METTL22: variants seen among roughly 807,000 people sequenced by gnomAD.
METTL22 encodes methyltransferase-like protein 22.
METTL22 carries 51 observed loss-of-function variants against 48.4 expected under a neutral mutation model. The ratio of observed to expected loss-of-function variants is 1.05; its 90% confidence interval spans 0.84 to 1.33. The LOEUF (loss-of-function observed/expected upper bound fraction) is 1.33. METTL22 is among the 40% of genes most tolerant of loss of function. The pLI is 0.00. For synonymous variants in METTL22, 255 were observed against 214.1 expected, an observed-to-expected ratio of 1.19 and a Z score of -1.67; for missense variants, 678 against 526.9, an observed-to-expected ratio of 1.29 and a Z score of -2.81.
rs559371322 is a variant in METTL22, at chr16:8,642,501, A to G, written c.946A>G (p.Thr316Ala). ...CGACTTGACTGATGCTGTGTTTAAA[A>G]CGCTCTCCCGACTCGCCCACAGATT... ...DDDLTDAVFK[T>A]LSRLAHRLKN... Residue 316 changes from threonine to alanine, a missense_variant, in exon 9 of 11, where the codon ACG (threonine) becomes GCG (alanine). Coordinates refer to ENST00000381920, the MANE Select transcript of METTL22 (RefSeq NM_024109.4). 2.5e-6 allele frequency: 4 copies of G among 1,614,066 alleles called. No individual in the cohort carries two copies. The African/African-American group carries it at 5.3e-5, about 22-fold the overall frequency.
the METTL22 span, among the ~76,000 whole-genome samples, chr16:8,659,734 T>TC: frequency 6.6e-6 from 1 of 151,822 alleles, no homozygotes; most frequent in African/African-American, 2.4e-5. Context: ...CTTCGCTTTT[T>TC]TTTTTTCCAG....
intron 2 of METTL22, among the ~76,000 whole-genome samples, chr16:8,626,079 C>T (rs2056040417): frequency 6.6e-6 from 1 of 152,156 alleles, no homozygotes; most frequent in South Asian, 2.1e-4. Context: ...TCACTGCAGC[C>T]TCAAACTCCT....
intron 7 of METTL22, chr16:8,641,828 G>T: frequency 1.9e-6 from 1 of 518,478 alleles, no homozygotes; most frequent in Middle Eastern, 5.2e-4. Context: ...GCAGGCAGAA[G>T]GGGGAGATCA....
Position 8,625,196 on chromosome 16 carries a change from A to G in METTL22, c.-170-300A>G, listed in dbSNP as rs371592096. Among the ~76,000 whole-genome samples, 223 of 152,286 alleles carry G rather than the reference A, an allele frequency of 1.5e-3. 9 individuals carry two copies. In the South Asian group the frequency reaches 0.04, roughly 27 times the overall value. On this transcript the variant is annotated intron_variant, in intron 1 of 10. Coordinates refer to ENST00000381920, the MANE Select transcript of METTL22 (RefSeq NM_024109.4). ...GGGGCAAAATGTCATGATGTCTACAATGTACTCTCAGCTCAAGGAGAAGAA... is the reference window on the plus strand; with the variant it reads ...GGGGCAAAATGTCATGATGTCTACAGTGTACTCTCAGCTCAAGGAGAAGAA...
rs1435213395 is a variant in METTL22, at chr16:8,628,726, T to G, written c.134-4T>G. 1.3e-6 allele frequency: 2 copies of G among 1,596,296 alleles called. No homozygotes were observed. Among genetic ancestry groups the G allele is most frequent in the Non-Finnish European group, 1.7e-6 (2 of 1,170,302 alleles). On this transcript the variant is annotated splice_region_variant and splice_polypyrimidine_tract_variant and intron_variant, in intron 2 of 10. Coordinates refer to ENST00000381920, the MANE Select transcript of METTL22 (RefSeq NM_024109.4). ...CTCATTTTGCGTTCTGTCTTGCCTT[T>G]CAGTTTTCCTGTCCCAATTCAAGCT...
chr16:8,661,283 G>A, the METTL22 span, among the ~76,000 whole-genome samples: 5 of 152,010 alleles, frequency 3.3e-5, no homozygotes, highest in Admixed American at 3.3e-4. Flanking sequence ...ACAGCAGCAC[G>A]TGAGTTCTGA....
downstream of METTL22, among the ~76,000 whole-genome samples, chr16:8,651,323 C>G (rs780219391): frequency 2.0e-3 from 251 of 127,374 alleles, no homozygotes; most frequent in Admixed American, 6.6e-3. Context: ...GGAGGCGGAG[C>G]TTGCAGTGAG....
chr16:8,637,680 A>G (rs921699966), intron 5 of METTL22, among the ~76,000 whole-genome samples: 27 of 152,326 alleles, frequency 1.8e-4, no homozygotes, highest in African/African-American at 6.3e-4. Flanking sequence ...GTGGAATTTC[A>G]GATTGTGTTG....
At chr16:8,634,259 G>T (rs1731048) in intron 3 of METTL22, among the ~76,000 whole-genome samples, 150,416 of 152,322 alleles carry the variant, frequency 0.99, 74,302 homozygotes, top group Middle Eastern at 1. Flanking sequence ...TTTCTTTCCT[G>T]GTTCGGGGAC....
chr16:8,623,967 G>A (rs1314017156), intron 1 of METTL22: 1 of 152,230 alleles, frequency 6.6e-6, no homozygotes, highest in Non-Finnish European at 1.5e-5. Context: ...CCAACCCCAG[G>A]ACAAGGAGGT....
At chr16:8,666,847 T>C in the METTL22 span, 30,045 of 150,756 alleles carry the variant, frequency 0.2, 3,653 homozygotes, top group African/African-American at 0.31. Flanking sequence ...AGTGCAATGG[T>C]ACCATCTCGG....
At position 8,646,134 on chromosome 16, in the gene METTL22, A is replaced by G; in HGVS notation, c.1206A>G (p.Pro402=). 2.0e-6 allele frequency: 3 copies of G among 1,500,784 alleles called. No homozygotes were observed. The highest frequency in any genetic ancestry group is 2.7e-6 in the Non-Finnish European group (3 of 1,131,028). 93.0% of individuals were successfully genotyped at this position (1,500,784 alleles called of 1,614,324 possible). A position where few individuals can be genotyped will look rare whatever the true frequency, so the allele number is the denominator to read the frequency against. Residue 402 remains proline (P), a synonymous_variant, in exon 11 of 11, where the codon CCA becomes CCG. Transcript: ENST00000381920. ...QLELWKIIAE[P]VT is the part of the protein sequence containing the mutation. Reference sequence around the variant, plus strand: ...AGCTCTGGAAGATCATCGCAGAACCAGTAACATGACCCATCGCCTCCACAA... The same window carrying G: ...AGCTCTGGAAGATCATCGCAGAACCGGTAACATGACCCATCGCCTCCACAA...
At chr16:8,642,636 C>G in intron 9 of METTL22, 71 bp downstream of exon 9, 3 of 1,399,032 alleles carry the variant, frequency 2.1e-6, no homozygotes, top group Non-Finnish European at 3.0e-6. Context: ...CTAATTGTGT[C>G]CTTGTCAGTG....
downstream of METTL22, among the ~76,000 whole-genome samples, chr16:8,651,285 G>T (rs182338079): frequency 9.6e-4 from 142 of 148,136 alleles, 3 homozygotes; most frequent in Admixed American, 7.9e-3. Flanking sequence ...TATTCGGGAG[G>T]CTAAGGCAGT....
rs1279156689 is a variant in METTL22 at position 8,648,627 on chromosome 16, C to CA, written c.*2498dup. 0.012 allele frequency: 1,507 copies of CA among 129,454 alleles called. 8 individuals carry two copies. Among genetic ancestry groups the CA allele is most frequent in the African/African-American group, 0.035 (1,226 of 34,888 alleles). 8.0% of individuals were successfully genotyped at this position (129,454 alleles called of 1,614,324 possible). ...GGGCAACAAGAGCAAAACTCCATCTCAAAAAAAAAAAAAAGCCAGGCGTAG... is the reference window on the plus strand; with the variant it reads ...GGGCAACAAGAGCAAAACTCCATCTCAAAAAAAAAAAAAAAGCCAGGCGTAG... On this transcript the variant is annotated 3_prime_UTR_variant, in exon 11 of 11. Coordinates refer to ENST00000381920, the MANE Select transcript of METTL22 (RefSeq NM_024109.4).
At chr16:8,635,446 G>A in intron 5 of METTL22, 134 bp downstream of exon 5, 10 of 1,099,602 alleles carry the variant, frequency 9.1e-6, no homozygotes, top group Non-Finnish European at 1.2e-5. Context: ...TGGTCCCCTG[G>A]CCCTCTCCAC....
At chr16:8,654,833 C>T in the METTL22 span, among the ~76,000 whole-genome samples, 1 of 152,186 alleles carries the variant, frequency 6.6e-6, no homozygotes, top group African/African-American at 2.4e-5. Context: ...GGAAATTTGT[C>T]ATGTCCAGAC....
the METTL22 span, among the ~76,000 whole-genome samples, chr16:8,657,255 C>T: frequency 6.6e-6 from 1 of 152,100 alleles, no homozygotes; most frequent in Non-Finnish European, 1.5e-5. Context: ...ACCATCATGC[C>T]CTGTTTTGTG....
the METTL22 span, among the ~76,000 whole-genome samples, chr16:8,656,697 A>G: frequency 6.6e-6 from 1 of 152,208 alleles, no homozygotes; most frequent in East Asian, 1.9e-4. Context: ...TGCGGCTCCA[A>G]TGCCCTCCTG....
Sources: gnomAD v4.1 joint callset for allele counts (sites outside exome capture counted in the v4.1 genomes callset) on GRCh38, gnomAD v4.1.1 for gene constraint, MANE v1.5 for transcripts, NCBI Gene and HGNC (gene_info 2026-07-23, HGNC 2026-07-21) for gene names.